Variants in TTL observed in about 807,000 individuals in gnomAD.
TTL encodes tubulin tyrosine ligase.
Under a neutral mutation model 41.1 loss-of-function variants are expected in TTL, and 10 were observed. The observed-to-expected ratio is 0.24, with a 90% CI of 0.15 to 0.41. The LOEUF is 0.41. Among genes scored for constraint, TTL ranks in the 10% least tolerant of loss-of-function variants. TTL has a pLI of 1.00. For synonymous variants in TTL, 175 were observed against 175.5 expected, an observed-to-expected ratio of 1.00 and a Z score of 0.02; for missense variants, 367 against 460.4, an observed-to-expected ratio of 0.80 and a Z score of 1.86.
chr2:112,485,014 A>C (rs1681203539), intron 1 of TTL, among the ~76,000 whole-genome samples: 1 of 152,030 alleles, frequency 6.6e-6, no homozygotes, highest in African/African-American at 2.4e-5. Flanking sequence ...CAGTGGTGGG[A>C]TCTTGGCTCA....
chr2:112,493,979 C>T (rs1018150083), intron 2 of TTL, among the ~76,000 whole-genome samples, 164 bp from the exon 3 acceptor site: 3 of 152,164 alleles, frequency 2.0e-5, no homozygotes, highest in Admixed American at 6.6e-5. Context: ...TCCCCAATAA[C>T]GCATTTGAGC....
chr2:112,490,970 G>T (rs2104449521), intron 2 of TTL, among the ~76,000 whole-genome samples: 1 of 151,990 alleles, frequency 6.6e-6, no homozygotes, highest in East Asian at 1.9e-4. Context: ...AGATGTAAGA[G>T]ATTTTAAAAT....
chr2:112,509,676 C>T (rs892161237), intron 5 of TTL, among the ~76,000 whole-genome samples: 2 of 152,178 alleles, frequency 1.3e-5, no homozygotes, highest in Non-Finnish European at 2.9e-5. Context: ...CTTCGGCTCG[C>T]GCACGGTGCG....
intron 5 of TTL, among the ~76,000 whole-genome samples, chr2:112,518,532 G>T (rs1248368424): frequency 6.6e-6 from 1 of 152,022 alleles, no homozygotes; most frequent in South Asian, 2.1e-4. Context: ...TTTGTGGAGG[G>T]CCGAGGGCGG....
At position 112,520,438 on chromosome 2, in the gene TTL, G is replaced by A. The variant is rs371273840; in HGVS notation, c.1019+13G>A. The A allele has an allele frequency of 1.2e-5, 20 of 1,610,762 alleles. No individual in the cohort carries two copies. The highest frequency in any genetic ancestry group is 6.7e-5 in the East Asian group (3 of 44,782). ...CTGCATGTGCTCAGTAAGCCTGCAC[G>A]TCATTGTGTTTTTACAAGTGGGAAG... On this transcript the variant is annotated intron_variant, in intron 6 of 6. Transcript: ENST00000233336.
At chr2:112,519,859 G>A (rs35419160) in intron 5 of TTL, among the ~76,000 whole-genome samples, 3 of 151,828 alleles carry the variant, frequency 2.0e-5, no homozygotes, top group Non-Finnish European at 4.4e-5. Flanking sequence ...GGCCGGGCAC[G>A]ATGGCTCGCA....
rs1210172622 is a variant in TTL, at chr2:112,482,679, G to T, written c.157+178G>T. Reference sequence around the variant, plus strand: ...AACCTGTCGTTTTTAATGCTTTCTTGTCTCCTAACTTGGATTTAGAGTCGG... The same window carrying T: ...AACCTGTCGTTTTTAATGCTTTCTTTTCTCCTAACTTGGATTTAGAGTCGG... On this transcript the variant is annotated intron_variant, in intron 1 of 6. Transcript: ENST00000233336. This position sits in a 1 kb window ranked among gnomAD's most constrained non-coding sequence, Gnocchi z 5.3. Among the ~76,000 whole-genome samples, 2 of 149,332 alleles carry T rather than the reference G, an allele frequency of 1.3e-5. No homozygotes were observed. Among genetic ancestry groups the T allele is most frequent in the Non-Finnish European group, 3.0e-5 (2 of 67,494 alleles).
rs1574066436 is a variant in TTL, at chr2:112,512,605, C to G, written c.876-7677C>G. Reference sequence around the variant, plus strand: ...AGAGATGAGGTTTCTCCATGTTGGTCAGGCTGGTCTGGAATTTCCGACTTC... The same window carrying G: ...AGAGATGAGGTTTCTCCATGTTGGTGAGGCTGGTCTGGAATTTCCGACTTC... On this transcript the variant is annotated intron_variant, in intron 5 of 6. Coordinates refer to ENST00000233336, the MANE Select transcript of TTL (RefSeq NM_153712.5). 2.6e-5 allele frequency among the ~76,000 whole-genome samples: 4 copies of G among 152,102 alleles called. No individual in the cohort carries two copies. The South Asian group carries it at 8.3e-4, about 32-fold the overall frequency.
At chr2:112,494,096 CA>C (rs752162801) in intron 2 of TTL, 46 bp from the exon 3 acceptor site, 5 of 1,504,354 alleles carry the variant, frequency 3.3e-6, no homozygotes, top group Non-Finnish European at 4.6e-6. Context: ...AAGGGAGTGA[CA>C]AAGTGCACTA....
rs1287520079 is a variant in TTL at position 112,531,254 on chromosome 2, A to G, written c.*2459A>G. On this transcript the variant is annotated 3_prime_UTR_variant, in exon 7 of 7. Transcript: ENST00000233336. ...TGCCTGGCTCCCAGTCAGGCTTCAT[A>G]CTTTTGGTCCATGTAAGTGCTACCC... 1 of 225,626 alleles carries G rather than the reference A, an allele frequency of 4.4e-6. No individual in the cohort carries two copies. Among genetic ancestry groups the G allele is most frequent in the Non-Finnish European group, 8.8e-6 (1 of 113,118 alleles). 14.0% of individuals were successfully genotyped at this position (225,626 alleles called of 1,614,324 possible).
intron 3 of TTL, among the ~76,000 whole-genome samples, chr2:112,498,670 A>C (rs1410288709): frequency 2.6e-5 from 4 of 151,768 alleles, no homozygotes; most frequent in Non-Finnish European, 5.9e-5. Flanking sequence ...TTGGGAGGCC[A>C]AGGCGGGTGG....
chr2:112,501,981 A>G (rs2104458516), intron 4 of TTL, among the ~76,000 whole-genome samples: 1 of 152,330 alleles, frequency 6.6e-6, no homozygotes, highest in Non-Finnish European at 1.5e-5. Flanking sequence ...TGGAACACGT[A>G]ATTCAGACAC....
rs1416036471 is a variant in TTL at position 112,482,226 on chromosome 2, C to T, written c.-119C>T. On this transcript the variant is annotated 5_prime_UTR_variant, in exon 1 of 7. Coordinates refer to ENST00000233336, the MANE Select transcript of TTL (RefSeq NM_153712.5). This position sits in a 1 kb window ranked among gnomAD's most constrained non-coding sequence, Gnocchi z 5.3. ...GGCACCCGAGAGGCGCGGTAGCCGG[C>T]GCGGGCGGCGGGGGCCGGGCCGCGG... 133 of 727,630 alleles carry T rather than the reference C, an allele frequency of 1.8e-4. No individual in the cohort carries two copies. Among genetic ancestry groups the T allele is most frequent in the Non-Finnish European group, 2.1e-4 (128 of 598,030 alleles). 45.1% of individuals were successfully genotyped at this position (727,630 alleles called of 1,614,324 possible).
intron 6 of TTL, 136 bp downstream of exon 6, chr2:112,520,561 C>CTT (rs1450288195): frequency 1.3e-5 from 16 of 1,237,938 alleles, no homozygotes; most frequent in Non-Finnish European, 1.8e-5. Context: ...TGGGAGGACT[C>CTT]TATCTGGCAG....
In TTL at chr2:112,531,241, A is replaced by G. The variant is rs1192393903; in HGVS notation, c.*2446A>G. 8.9e-6 allele frequency: 2 copies of G among 224,892 alleles called. No individual in the cohort carries two copies. Among genetic ancestry groups the G allele is most frequent in the East Asian group, 1.3e-4 (2 of 15,544 alleles). 13.9% of individuals were successfully genotyped at this position (224,892 alleles called of 1,614,324 possible). A position where few individuals can be genotyped will look rare whatever the true frequency, so the allele number is the denominator to read the frequency against. On this transcript the variant is annotated 3_prime_UTR_variant, in exon 7 of 7. Coordinates refer to ENST00000233336, the MANE Select transcript of TTL (RefSeq NM_153712.5). ...ACACAGAAGGTTATGCCTGGCTCCC[A>G]GTCAGGCTTCATACTTTTGGTCCAT...
intron 5 of TTL, among the ~76,000 whole-genome samples, chr2:112,515,356 T>C (rs1682038439): frequency 6.6e-6 from 1 of 152,212 alleles, no homozygotes; most frequent in Non-Finnish European, 1.5e-5. Flanking sequence ...ATATATTTAC[T>C]GTCTGGCCCT....
At chr2:112,488,087 C>T (rs1339616292) in intron 2 of TTL, among the ~76,000 whole-genome samples, 1 of 152,138 alleles carries the variant, frequency 6.6e-6, no homozygotes, top group African/African-American at 2.4e-5. Context: ...CAGTGCAAGA[C>T]CCTGTGCAGC....
intron 2 of TTL, among the ~76,000 whole-genome samples, chr2:112,492,108 C>G (rs1459589310): frequency 6.6e-6 from 1 of 152,126 alleles, no homozygotes; most frequent in Non-Finnish European, 1.5e-5. Context: ...ATCACTTGAT[C>G]TGAATCAATC....
At chr2:112,524,923 C>T (rs182078030) in intron 6 of TTL, among the ~76,000 whole-genome samples, 5,026 of 152,132 alleles carry the variant, frequency 0.033, 293 homozygotes, top group African/African-American at 0.11. Flanking sequence ...TATGGTTTTA[C>T]ATCTAACATT....
Sources: gnomAD v4.1 joint callset for allele counts (sites outside exome capture counted in the v4.1 genomes callset) on GRCh38, gnomAD v4.1.1 for gene constraint, Gnocchi (gnomAD v3.1) non-coding constraint, MANE v1.5 for transcripts, NCBI Gene and HGNC (gene_info 2026-07-23, HGNC 2026-07-21) for gene names.